Variants in PCMT1 observed in about 807,000 individuals in gnomAD.
PCMT1 encodes the protein protein-L-isoaspartate(D-aspartate) O-methyltransferase.
A neutral mutation model predicts 29.2 loss-of-function variants in PCMT1; 9 were observed. That is an observed-to-expected ratio of 0.31 (90% CI 0.19 to 0.54). The LOEUF (loss-of-function observed/expected upper bound fraction) is 0.54, where lower values mean the gene tolerates loss of function less well. PCMT1 is among the 20% of genes least tolerant of loss of function. The pLI, the probability that PCMT1 is intolerant of heterozygous loss-of-function variation, is 0.95. For missense variants in PCMT1, 184 were observed against 282.2 expected, an observed-to-expected ratio of 0.65 and a Z score of 2.49; for synonymous variants, 98 against 97.5, an observed-to-expected ratio of 1.00 and a Z score of -0.03.
chr6:149,809,890 G>C (rs1313197061), intron 7 of PCMT1: 1 of 151,596 alleles, frequency 6.6e-6, no homozygotes, highest in Non-Finnish European at 1.5e-5. Context: ...TCTTGTTTTT[G>C]TCACTCACAT....
chr6:149,785,358 T>G (rs1270595563), intron 3 of PCMT1, among the ~76,000 whole-genome samples: 8 of 72,110 alleles, frequency 1.1e-4, no homozygotes, highest in African/African-American at 2.7e-4. Context: ...CTGTTTTCTT[T>G]TTTTTTTTTT....
At chr6:149,798,972 A>G (rs184813993) in intron 6 of PCMT1, 1 of 152,332 alleles carries the variant, frequency 6.6e-6, no homozygotes, top group East Asian at 1.9e-4. Flanking sequence ...AAGAAAAAAG[A>G]ACAACCATAT....
chr6:149,810,750 A>G lies in PCMT1; in HGVS notation c.*172A>G, dbSNP rs1776138377. 6 of 708,680 alleles carry G rather than the reference A, an allele frequency of 8.5e-6. No homozygotes were observed. Among genetic ancestry groups the G allele is most frequent in the Non-Finnish European group, 1.4e-5 (6 of 434,644 alleles). 43.9% of individuals were successfully genotyped at this position (708,680 alleles called of 1,614,324 possible). On this transcript the variant is annotated 3_prime_UTR_variant, in exon 8 of 8. Coordinates refer to ENST00000464889, the MANE Select transcript of PCMT1 (RefSeq NM_001360452.2). ...ACTTTGTTACACTGTTATTTTCAGC[A>G]TGAAAATGTGTGTTTTTTTAGGGTT...
intron 3 of PCMT1, among the ~76,000 whole-genome samples, chr6:149,784,097 C>T (rs1787925484): frequency 1.3e-5 from 2 of 152,102 alleles, no homozygotes; most frequent in South Asian, 4.1e-4. Context: ...AATGCATGAA[C>T]CTTGAATATA....
intron 4 of PCMT1, among the ~76,000 whole-genome samples, chr6:149,791,140 G>A (rs1396671123): frequency 3.9e-5 from 6 of 152,158 alleles, no homozygotes; most frequent in Non-Finnish European, 7.4e-5. Context: ...GAGGGTCCCA[G>A]GGAAATCCAG....
chr6:149,787,371 T>C (rs971927921), intron 3 of PCMT1, among the ~76,000 whole-genome samples: 1 of 146,864 alleles, frequency 6.8e-6, no homozygotes, highest in African/African-American at 2.5e-5. Context: ...TAGTTATAAT[T>C]TTTTTTTTTT....
intron 3 of PCMT1, among the ~76,000 whole-genome samples, chr6:149,784,940 G>T (rs1787960551): frequency 6.6e-6 from 1 of 152,100 alleles, no homozygotes; most frequent in African/African-American, 2.4e-5. Context: ...AAGTTTGCCA[G>T]GTGCTTAAAA....
In PCMT1 at chr6:149,773,180, T is replaced by A. The variant is rs935291853; in HGVS notation, c.192+11T>A. ...AGTGCTCCACACATGGTAAGTTAAG[T>A]TTGTTCACTTGGTTACAAATGGATT... On this transcript the variant is annotated intron_variant, in intron 3 of 7. Coordinates refer to ENST00000464889, the MANE Select transcript of PCMT1 (RefSeq NM_001360452.2). 7 of 1,600,246 alleles carry A rather than the reference T, an allele frequency of 4.4e-6. No individual in the cohort carries two copies. Among genetic ancestry groups the A allele is most frequent in the Non-Finnish European group, 6.0e-6 (7 of 1,169,346 alleles).
chr6:149,758,840 G>C (rs1786624766), intron 1 of PCMT1, among the ~76,000 whole-genome samples: 1 of 152,052 alleles, frequency 6.6e-6, no homozygotes, highest in Non-Finnish European at 1.5e-5. Flanking sequence ...ACCGTAACTT[G>C]CCATCACATA....
Position 149,790,018 on chromosome 6 carries a change from G to A in PCMT1, c.257G>A (p.Gly86Glu). ...LHEGAKALDV[G>E]SGSGILTACF... Reference sequence around the variant, plus strand: ...GAAGGAGCTAAAGCTCTTGATGTAGGATCTGGAAGTGGAATCCTTACTGCA... The same window carrying A: ...GAAGGAGCTAAAGCTCTTGATGTAGAATCTGGAAGTGGAATCCTTACTGCA... Residue 86 changes from glycine (G) to glutamate (E), a missense_variant, in exon 4 of 8, where the codon GGA (glycine) becomes GAA (glutamate). Gly to Glu is a moderately conservative substitution (Grantham distance 98, BLOSUM62 -2). Coordinates refer to ENST00000464889, the MANE Select transcript of PCMT1 (RefSeq NM_001360452.2). 6.2e-7 allele frequency: 1 copy of A among 1,612,240 alleles called. No homozygotes were observed. Among genetic ancestry groups the A allele is most frequent in the Non-Finnish European group, 8.5e-7 (1 of 1,179,184 alleles).
At chr6:149,785,355 CT>C (rs11310169) in intron 3 of PCMT1, among the ~76,000 whole-genome samples, 14,743 of 72,224 alleles carry the variant, frequency 0.2, 2,534 homozygotes, top group African/African-American at 0.56. Context: ...TGGCTGTTTT[CT>C]TTTTTTTTTT....
rs1312904039 is a variant in PCMT1 at position 149,779,188 on chromosome 6, C to G, written c.192+6019C>G. The stretch of plus-strand genomic sequence containing the variant: ...GTTCTTGCTTCCCTCCCTAGCTCGG[C>G]TGTAAAGTCACAAAGTTGATAAGCA... On this transcript the variant is annotated intron_variant, in intron 3 of 7. Transcript: ENST00000464889. 2.0e-5 allele frequency among the ~76,000 whole-genome samples: 3 copies of G among 152,092 alleles called. No individual in the cohort carries two copies. The East Asian group carries it at 5.8e-4, about 29-fold the overall frequency.
At chr6:149,802,134 T>C in intron 6 of PCMT1, 66 bp from the exon 7 acceptor site, 1 of 1,199,856 alleles carries the variant, frequency 8.3e-7, no homozygotes, top group Non-Finnish European at 1.2e-6. Flanking sequence ...GTCTCAAAAA[T>C]AAATAAATAA....
rs372773939 is a variant in PCMT1 at position 149,769,308 on chromosome 6, C to CT, written c.56-1830dup. Among the ~76,000 whole-genome samples the CT allele has an allele frequency of 6.4e-3, 454 of 71,454 alleles. 27 individuals carry two copies. Among genetic ancestry groups the CT allele is most frequent in the South Asian group, 0.018 (30 of 1,650 alleles). The allele number at this position is 71,454 out of a possible 152,430, so 46.9% of individuals were successfully genotyped here. ...AGTTAGCACCTATTTGTGCAGGATT[C>CT]TTTTTTTTTTTTTTTTTTTTTTTTG... On this transcript the variant is annotated intron_variant, in intron 1 of 7. Coordinates refer to ENST00000464889, the MANE Select transcript of PCMT1 (RefSeq NM_001360452.2).
At chr6:149,810,550 T>A in intron 7 of PCMT1, 66 bp from the exon 8 acceptor site, 1 of 1,245,034 alleles carries the variant, frequency 8.0e-7, no homozygotes, top group Non-Finnish European at 1.1e-6. Context: ...GTGTCTAAAC[T>A]ATTATAAAGC....
intron 3 of PCMT1, among the ~76,000 whole-genome samples, chr6:149,777,418 G>C (rs1212425470): frequency 1.3e-5 from 2 of 152,018 alleles, no homozygotes; most frequent in African/African-American, 4.8e-5. Flanking sequence ...CCACTGTTAA[G>C]TCAGGGACCA....
intron 3 of PCMT1, among the ~76,000 whole-genome samples, chr6:149,786,700 T>G (rs960716253): frequency 2.8e-5 from 4 of 141,608 alleles, no homozygotes; most frequent in African/African-American, 1.1e-4. Flanking sequence ...GCAGAGGCGC[T>G]CCTCACATCC....
At chr6:149,773,686 AGCTTTTTAAGGT>A (rs1359979187) in intron 3 of PCMT1, among the ~76,000 whole-genome samples, 1 of 152,128 alleles carries the variant, frequency 6.6e-6, no homozygotes, top group Non-Finnish European at 1.5e-5. Context: ...GCCCAGAAGG[AGCTTTTTAAGGT>A]AGAAACTGGC....
At chr6:149,775,499 A>G (rs893405747) in intron 3 of PCMT1, among the ~76,000 whole-genome samples, 5 of 152,110 alleles carry the variant, frequency 3.3e-5, no homozygotes, top group Non-Finnish European at 1.5e-5. Context: ...AGAAGCCAGG[A>G]GTTTGAGACC....
Sources: gnomAD v4.1 joint callset for allele counts (sites outside exome capture counted in the v4.1 genomes callset) on GRCh38, gnomAD v4.1.1 for gene constraint, MANE v1.5 for transcripts, NCBI Gene and HGNC (gene_info 2026-07-23, HGNC 2026-07-21) for gene names.